MACROD2: variants seen among roughly 807,000 people sequenced by gnomAD.
MACROD2 encodes ADP-ribose glycohydrolase MACROD2.
In MACROD2, 36 loss-of-function variants were observed where a neutral mutation model predicts 70.4. The ratio of observed to expected loss-of-function variants is 0.51; its 90% CI spans 0.39 to 0.68. MACROD2 has a LOEUF of 0.68. Ranked by LOEUF, MACROD2 falls within the 30% of genes least tolerant of loss-of-function variation. The pLI, the probability that MACROD2 is intolerant of heterozygous loss-of-function variation, is 0.00. For missense variants in MACROD2, 496 were observed against 538.4 expected (o/e 0.92, Z 0.78); for synonymous variants, 172 against 178.8 (o/e 0.96, Z 0.30).
chr20:14,987,541 A>G (rs2074860501), intron 5 of MACROD2, among the ~76,000 whole-genome samples: 1 of 152,178 alleles, frequency 6.6e-6, no homozygotes, highest in Admixed American at 6.5e-5. Context: ...AGAATAAGTT[A>G]CAAGGTCTGA....
intron 12 of MACROD2, among the ~76,000 whole-genome samples, chr20:15,962,687 A>G (rs1247067332): frequency 6.6e-6 from 1 of 152,226 alleles, no homozygotes; most frequent in Non-Finnish European, 1.5e-5. Flanking sequence ...ATTTCAGATA[A>G]GGAACATCAA....
chr20:15,613,317 T>C (rs1034138868), intron 8 of MACROD2, among the ~76,000 whole-genome samples: 9 of 152,230 alleles, frequency 5.9e-5, no homozygotes, highest in Admixed American at 5.9e-4. Context: ...TTGGGGTCTT[T>C]ATTGGCATGT....
At chr20:15,019,184 G>C (rs2075145574) in intron 5 of MACROD2, among the ~76,000 whole-genome samples, 1 of 152,060 alleles carries the variant, frequency 6.6e-6, no homozygotes, top group Admixed American at 6.6e-5. Flanking sequence ...CGCGCGGAGA[G>C]AGTTTTCTTG....
intron 5 of MACROD2, among the ~76,000 whole-genome samples, chr20:15,217,687 A>G (rs866114456): frequency 6.6e-6 from 1 of 152,196 alleles, no homozygotes. Flanking sequence ...ATTTCTAAAT[A>G]AAGAACGAAA....
intron 2 of MACROD2, among the ~76,000 whole-genome samples, chr20:14,023,038 C>T (rs1016190678): frequency 6.6e-6 from 1 of 151,888 alleles, no homozygotes; most frequent in African/African-American, 2.4e-5. Context: ...AAAAGTCTTC[C>T]TATTTCTCCA....
intron 8 of MACROD2, among the ~76,000 whole-genome samples, chr20:15,827,643 G>C (rs1379568632): frequency 6.6e-6 from 1 of 152,158 alleles, no homozygotes; most frequent in Admixed American, 6.6e-5. Flanking sequence ...TGGGGTTGAG[G>C]GGGGACTTTG....
chr20:15,233,966 TTTTTATATATATTTATTTATATATATATA>T, intron 6 of MACROD2, among the ~76,000 whole-genome samples: 1 of 49,444 alleles, frequency 2.0e-5, no homozygotes, highest in Non-Finnish European at 4.2e-5. Context: ...AAAAAATTTA[TTTTTATATATATTTATTTATATATATATA>T]TATATATATA....
At chr20:15,477,262 G>A (rs1278676301) in intron 7 of MACROD2, among the ~76,000 whole-genome samples, 1 of 151,854 alleles carries the variant, frequency 6.6e-6, no homozygotes, top group African/African-American at 2.4e-5. Flanking sequence ...CACCATAGCA[G>A]GCAAACTTCT....
At chr20:14,417,659 T>G (rs959696659) in intron 3 of MACROD2, among the ~76,000 whole-genome samples, 1 of 152,228 alleles carries the variant, frequency 6.6e-6, no homozygotes, top group Non-Finnish European at 1.5e-5. Flanking sequence ...AATATTTTTA[T>G]GAAAGACCTT....
chr20:15,193,670 G>A (rs1335622848), intron 5 of MACROD2, among the ~76,000 whole-genome samples: 1 of 151,830 alleles, frequency 6.6e-6, no homozygotes, highest in Non-Finnish European at 1.5e-5. Flanking sequence ...AGAAATGGGA[G>A]ATGAATGATG....
At chr20:15,226,012 G>A (rs981447002) in intron 5 of MACROD2, among the ~76,000 whole-genome samples, 5 of 152,172 alleles carry the variant, frequency 3.3e-5, no homozygotes, top group East Asian at 3.8e-4. Context: ...TTTGGGAAAC[G>A]TGAACCATGA....
intron 8 of MACROD2, among the ~76,000 whole-genome samples, chr20:15,668,267 TATAAA>T (rs1185053686): frequency 1.6e-5 from 2 of 127,650 alleles, no homozygotes; most frequent in Admixed American, 1.5e-4. Context: ...CTAAAAAAAA[TATAAA>T]ATAAAAAAAT....
chr20:14,195,708 G>C (rs1041478479), intron 3 of MACROD2, among the ~76,000 whole-genome samples: 1 of 152,164 alleles, frequency 6.6e-6, no homozygotes, highest in Non-Finnish European at 1.5e-5. Context: ...GCAGGCTGCC[G>C]ACTGGCAGAG....
chr20:14,829,747 A>G (rs1026196126), intron 5 of MACROD2, among the ~76,000 whole-genome samples: 1 of 152,130 alleles, frequency 6.6e-6, no homozygotes, highest in Non-Finnish European at 1.5e-5. Flanking sequence ...TTTGTGACCA[A>G]CATTATTTTT....
At chr20:15,629,920 T>C (rs560469871) in intron 8 of MACROD2, among the ~76,000 whole-genome samples, 1 of 152,340 alleles carries the variant, frequency 6.6e-6, no homozygotes, top group African/African-American at 2.4e-5. Flanking sequence ...TGAAGTAATT[T>C]AGCAATGTGG....
intron 15 of MACROD2, among the ~76,000 whole-genome samples, chr20:15,993,231 AGAGTGTGT>A (rs759406355): frequency 1.6e-4 from 16 of 98,106 alleles, no homozygotes; most frequent in East Asian, 3.7e-4. Flanking sequence ...GAGAATTTGA[AGAGTGTGT>A]GTGTGTGTGT....
intron 6 of MACROD2, among the ~76,000 whole-genome samples, chr20:15,238,562 GTTC>G (rs999355959): frequency 1.3e-5 from 2 of 152,024 alleles, no homozygotes; most frequent in African/African-American, 4.8e-5. Context: ...CAAATTATGT[GTTC>G]TTTCAATGAT....
chr20:14,398,067 AT>A (rs764344043), intron 3 of MACROD2, among the ~76,000 whole-genome samples: 1 of 151,860 alleles, frequency 6.6e-6, no homozygotes, highest in Admixed American at 6.6e-5. Flanking sequence ...TTCATTTTTT[AT>A]TGATAAATAG....
chr20:15,344,047 A>G (rs2078137516), intron 6 of MACROD2, among the ~76,000 whole-genome samples: 1 of 152,200 alleles, frequency 6.6e-6, no homozygotes, highest in African/African-American at 2.4e-5. Context: ...CTAAATTTTC[A>G]GTCGTTGAGG....
Sources: allele counts gnomAD v4.1 joint callset (sites outside exome capture counted in the v4.1 genomes callset), GRCh38; gene constraint gnomAD v4.1.1; transcripts MANE v1.5; gene names NCBI Gene and HGNC (gene_info 2026-07-23, HGNC 2026-07-21).